GPC5: variants seen among roughly 807,000 people sequenced by gnomAD.
GPC5 encodes the protein glypican 5, also known as glypican-5.
A neutral mutation model predicts 53.9 loss-of-function variants in GPC5; 47 were observed. The ratio of observed to expected loss-of-function variants is 0.87; its 90% CI spans 0.69 to 1.11. The LOEUF (loss-of-function observed/expected upper bound fraction) is 1.11, where lower values mean the gene tolerates loss of function less well. GPC5 is among the 50% of genes most tolerant of loss of function. The probability of loss-of-function intolerance (pLI) is 0.00; values close to 1 mark genes in which losing one functional copy is unlikely to be tolerated. For missense variants in GPC5, 748 were observed against 713.1 expected, an observed-to-expected ratio of 1.05 and a Z score of -0.56; for synonymous variants, 286 against 263.3, an observed-to-expected ratio of 1.09 and a Z score of -0.84.
chr13:91,843,299 C>A (rs1447711638), intron 5 of GPC5, among the ~76,000 whole-genome samples: 2 of 152,208 alleles, frequency 1.3e-5, no homozygotes, highest in African/African-American at 4.8e-5. Context: ...ACATGTATTA[C>A]AGATTCATGA....
chr13:92,290,877 G>T (rs772014828), intron 7 of GPC5, among the ~76,000 whole-genome samples: 4 of 152,174 alleles, frequency 2.6e-5, no homozygotes, highest in African/African-American at 9.6e-5. Flanking sequence ...AGCTTGCGGG[G>T]AGGTGTGGAG....
At chr13:92,387,243 C>T (rs898402623) in intron 7 of GPC5, among the ~76,000 whole-genome samples, 3 of 152,116 alleles carry the variant, frequency 2.0e-5, no homozygotes, top group Admixed American at 6.6e-5. Flanking sequence ...AGATATTCAA[C>T]ACCTTTGTAT....
chr13:91,977,874 G>A (rs1190558293), intron 6 of GPC5, among the ~76,000 whole-genome samples: 2 of 151,722 alleles, frequency 1.3e-5, no homozygotes, highest in Non-Finnish European at 2.9e-5. Flanking sequence ...CACTTTGGGA[G>A]GTGGAGGTGG....
intron 7 of GPC5, among the ~76,000 whole-genome samples, chr13:92,301,383 T>C (rs1024927814): frequency 2.0e-5 from 3 of 152,212 alleles, no homozygotes; most frequent in South Asian, 2.1e-4. Flanking sequence ...TTGTAGATGA[T>C]ACTGATGTGT....
chr13:91,756,089 AG>A (rs2037285363), intron 4 of GPC5, among the ~76,000 whole-genome samples: 1 of 150,020 alleles, frequency 6.7e-6, no homozygotes, highest in African/African-American at 2.4e-5. Context: ...AAAAAAAAAA[AG>A]TAATGTATTT....
At chr13:91,920,266 A>T (rs2039698308) in intron 6 of GPC5, among the ~76,000 whole-genome samples, 1 of 152,164 alleles carries the variant, frequency 6.6e-6, no homozygotes, top group Non-Finnish European at 1.5e-5. Context: ...TAAGAAAATA[A>T]AAAAGAACTT....
chr13:91,482,229 G>GCT (rs1193581928), intron 2 of GPC5, among the ~76,000 whole-genome samples: 2 of 151,700 alleles, frequency 1.3e-5, no homozygotes, highest in South Asian at 4.2e-4. Flanking sequence ...GAGTGGATTT[G>GCT]CTCTCTCTCT....
rs2138860200 is a variant in GPC5 at position 92,866,324 on chromosome 13, A to G, written c.1604A>G (p.His535Arg). The change falls in exon 8 of 8, where the codon CAT becomes CGT. Residue 535 changes from histidine to arginine, a missense_variant. Physicochemically the swap from His to Arg is conservative, Grantham distance 29 (BLOSUM62 0). Coordinates refer to ENST00000377067, the MANE Select transcript of GPC5 (RefSeq NM_004466.6). Reference sequence around the variant, plus strand: ...AACTTCAGTGATGTAAAGCAAATCCATCAAACAGACACTGGCAGTACTTTA... The same window carrying G: ...AACTTCAGTGATGTAAAGCAAATCCGTCAAACAGACACTGGCAGTACTTTA... ...DMNFSDVKQI[H>R]QTDTGSTLDT... is the part of the protein sequence containing the mutation. The G allele has an allele frequency of 6.2e-7, 1 of 1,612,998 alleles. No individual in the cohort carries two copies. The highest frequency in any genetic ancestry group is 1.1e-5 in the South Asian group (1 of 91,030).
chr13:92,853,463 G>T lies in GPC5; in HGVS notation c.1562-12819G>T, dbSNP rs114532779. Among the ~76,000 whole-genome samples the T allele has an allele frequency of 1.5e-3, 227 of 152,184 alleles. 1 individual carries two copies. The highest frequency in any genetic ancestry group is 4.9e-3 in the African/African-American group (204 of 41,542). On this transcript the variant is annotated intron_variant, in intron 7 of 7. Coordinates refer to ENST00000377067, the MANE Select transcript of GPC5 (RefSeq NM_004466.6). The stretch of plus-strand genomic sequence containing the variant: ...GGTTTGTCACTATCCAAAGTTTCAG[G>T]CATCTACTAGGGGTCTTGGAATATA...
chr13:92,611,532 A>G (rs1023374271), intron 7 of GPC5, among the ~76,000 whole-genome samples: 1 of 152,144 alleles, frequency 6.6e-6, no homozygotes, highest in African/African-American at 2.4e-5. Context: ...ACCTTCAAAA[A>G]TCTATAGTTT....
At chr13:92,071,784 T>C (rs1342937200) in intron 6 of GPC5, among the ~76,000 whole-genome samples, 1 of 149,766 alleles carries the variant, frequency 6.7e-6, no homozygotes, top group Non-Finnish European at 1.5e-5. Context: ...AAGACACAAT[T>C]TTTTTTATCC....
At chr13:92,204,929 A>T (rs1316011736) in intron 7 of GPC5, among the ~76,000 whole-genome samples, 2 of 152,084 alleles carry the variant, frequency 1.3e-5, no homozygotes, top group Non-Finnish European at 2.9e-5. Flanking sequence ...CCCAGGCTGG[A>T]GTGCAGTGGC....
rs1438157290 is a variant in GPC5 at position 92,016,731 on chromosome 13, T to C, written c.1401+108674T>C. Among the ~76,000 whole-genome samples the C allele has an allele frequency of 2.2e-3, 328 of 152,008 alleles. 1 individual carries two copies. Among genetic ancestry groups the C allele is most frequent in the African/African-American group, 7.7e-3 (318 of 41,508 alleles). On this transcript the variant is annotated intron_variant, in intron 6 of 7. Coordinates refer to ENST00000377067, the MANE Select transcript of GPC5 (RefSeq NM_004466.6). Reference sequence around the variant, plus strand: ...TTTCTCTTATTTTCTTTTCTTCTTTTTTTTTTTTTCTTTTGAGCCAGAGTT... The same window carrying C: ...TTTCTCTTATTTTCTTTTCTTCTTTCTTTTTTTTTCTTTTGAGCCAGAGTT...
chr13:92,041,581 C>T (rs1469292648), intron 6 of GPC5, among the ~76,000 whole-genome samples: 1 of 152,198 alleles, frequency 6.6e-6, no homozygotes, highest in African/African-American at 2.4e-5. Context: ...AGAAAACTGC[C>T]TGCCCCCCTA....
chr13:92,698,288 G>A (rs1160437884), intron 7 of GPC5, among the ~76,000 whole-genome samples: 1 of 152,012 alleles, frequency 6.6e-6, no homozygotes, highest in Non-Finnish European at 1.5e-5. Context: ...TTAACATTAG[G>A]TGTATCTCCT....
chr13:92,333,100 G>A (rs928176375), intron 7 of GPC5, among the ~76,000 whole-genome samples: 5 of 152,266 alleles, frequency 3.3e-5, no homozygotes, highest in South Asian at 4.1e-4. Flanking sequence ...TTGTAAACCT[G>A]AAATATAGTT....
chr13:92,529,920 T>C (rs1170629297), intron 7 of GPC5, among the ~76,000 whole-genome samples: 1 of 151,846 alleles, frequency 6.6e-6, no homozygotes, highest in Non-Finnish European at 1.5e-5. Flanking sequence ...CCGTCTCTAC[T>C]ATAAATTTAA....
At chr13:92,101,330 A>G (rs1375083983) in intron 6 of GPC5, among the ~76,000 whole-genome samples, 1 of 152,194 alleles carries the variant, frequency 6.6e-6, no homozygotes, top group Non-Finnish European at 1.5e-5. Context: ...TTTTCCAATG[A>G]AAGGTGACTA....
rs1375677139 is a variant in GPC5 at position 92,312,713 on chromosome 13, G to GA, written c.1561+167731dup. Among the ~76,000 whole-genome samples the GA allele has an allele frequency of 2.0e-5, 3 of 151,848 alleles. No individual in the cohort carries two copies. The East Asian group carries it at 5.8e-4, about 29-fold the overall frequency. ...ACATAGTGATCTTCATGTTAAATTAGAAAAAAAGAATTGTCTGTGAGTGTA... is the reference window on the plus strand; with the variant it reads ...ACATAGTGATCTTCATGTTAAATTAGAAAAAAAAGAATTGTCTGTGAGTGTA... On this transcript the variant is annotated intron_variant, in intron 7 of 7. Coordinates refer to ENST00000377067, the MANE Select transcript of GPC5 (RefSeq NM_004466.6).
Sources: allele counts gnomAD v4.1 joint callset (sites outside exome capture counted in the v4.1 genomes callset), GRCh38; gene constraint gnomAD v4.1.1; transcripts MANE v1.5; gene names NCBI Gene and HGNC (gene_info 2026-07-23, HGNC 2026-07-21).